The following AHRR variants were observed in gnomAD, a reference collection of about 807,000 sequenced individuals.
AHRR encodes the protein ahR repressor.
In AHRR, 28 loss-of-function variants were observed where a neutral mutation model predicts 44.0. The observed-to-expected ratio is 0.64, with a 90% CI of 0.47 to 0.87. AHRR has a LOEUF of 0.87. Ranked by LOEUF, AHRR falls within the 40% of genes least tolerant of loss-of-function variation. The probability of loss-of-function intolerance (pLI) is 0.00; values close to 1 mark genes in which losing one functional copy is unlikely to be tolerated. For synonymous variants in AHRR, 434 were observed against 407.0 expected, an observed-to-expected ratio of 1.07 and a Z score of -0.80; for missense variants, 990 against 953.9, an observed-to-expected ratio of 1.04 and a Z score of -0.50.
chr5:376,555 A>ACCGTGGGGTGTACGCGGG, intron 3 of AHRR, 55 bp from the exon 4 acceptor site: 2 of 1,428,922 alleles, frequency 1.4e-6, no homozygotes, highest in Non-Finnish European at 9.4e-7. Flanking sequence ...TGAATGAAGA[A>ACCGTGGGGTGTACGCGGG]GAGTGGCCAG....
chr5:422,026 C>T (rs892874383), intron 5 of AHRR, among the ~76,000 whole-genome samples: 1 of 152,118 alleles, frequency 6.6e-6, no homozygotes, highest in Admixed American at 6.5e-5. Flanking sequence ...GGGCCAGGCT[C>T]CAGGTGCAGA....
At chr5:428,303 C>G (rs12188321) in intron 8 of AHRR, among the ~76,000 whole-genome samples, 56,296 of 152,214 alleles carry the variant, frequency 0.37, 12,038 homozygotes, top group Non-Finnish European at 0.48. Flanking sequence ...CAAGAAAATG[C>G]GGAGCTGGCT....
At chr5:429,783 G>A (rs1736641508) in intron 8 of AHRR, among the ~76,000 whole-genome samples, 1 of 152,254 alleles carries the variant, frequency 6.6e-6, no homozygotes, top group South Asian at 2.1e-4. Flanking sequence ...TAGCGCCCAG[G>A]AGTGATTGGC....
intron 4 of AHRR, chr5:403,993 G>A (rs1735146625): frequency 9.2e-7 from 1 of 1,090,544 alleles, no homozygotes; most frequent in South Asian, 1.3e-5. Context: ...TTTCTTTACA[G>A]TAATTCGAAC....
intron 2 of AHRR, among the ~76,000 whole-genome samples, chr5:352,249 G>T (rs1742882375): frequency 6.6e-6 from 1 of 152,232 alleles, no homozygotes; most frequent in South Asian, 2.1e-4. Context: ...GTAGGGGATG[G>T]TCACTCTGAG....
At chr5:409,744 T>C (rs1735399491) in intron 4 of AHRR, among the ~76,000 whole-genome samples, 1 of 152,220 alleles carries the variant, frequency 6.6e-6, no homozygotes. Context: ...TTTTTCTCTG[T>C]GGCTTATCTC....
At chr5:400,741 T>A (rs1333397417) in intron 4 of AHRR, among the ~76,000 whole-genome samples, 1 of 151,886 alleles carries the variant, frequency 6.6e-6, no homozygotes, top group Non-Finnish European at 1.5e-5. Context: ...TTATGGTCTT[T>A]AAAAAAAAAT....
At chr5:329,556 G>C (rs2126324204) in intron 1 of AHRR, among the ~76,000 whole-genome samples, 1 of 152,108 alleles carries the variant, frequency 6.6e-6, no homozygotes, top group Non-Finnish European at 1.5e-5. Flanking sequence ...ATTTTGATAG[G>C]GATTATACTG....
chr5:325,991 C>T (rs1451180247), intron 1 of AHRR, among the ~76,000 whole-genome samples: 1 of 152,114 alleles, frequency 6.6e-6, no homozygotes, highest in Non-Finnish European at 1.5e-5. Flanking sequence ...CCATGTTGGC[C>T]AGGCTGGTCT....
chr5:400,439 A>C (rs1039316471), intron 4 of AHRR, among the ~76,000 whole-genome samples: 2 of 152,110 alleles, frequency 1.3e-5, no homozygotes, highest in Non-Finnish European at 2.9e-5. Context: ...CCGTTTCCTG[A>C]CGTTCAGTAA....
intron 4 of AHRR, among the ~76,000 whole-genome samples, chr5:394,172 C>G (rs1247092692): frequency 6.6e-6 from 1 of 152,200 alleles, no homozygotes; most frequent in African/African-American, 2.4e-5. Context: ...GGAGGGAGGC[C>G]CTACAAGGAG....
At chr5:354,669 C>T (rs184043428) in intron 3 of AHRR, among the ~76,000 whole-genome samples, 217 of 152,316 alleles carry the variant, frequency 1.4e-3, no homozygotes, top group African/African-American at 5.1e-3. Context: ...TGTTGGGTGA[C>T]GTGCCTGCAC....
At chr5:368,720 G>A (rs751141050) in intron 3 of AHRR, among the ~76,000 whole-genome samples, 34 of 152,324 alleles carry the variant, frequency 2.2e-4, no homozygotes, top group Middle Eastern at 3.4e-3. Context: ...GAGCCCCCCT[G>A]AGGCCCCCGG....
Position 432,933 on chromosome 5 carries a change from C to CA in AHRR, c.1100dup (p.Ser370LeufsTer40). ...GTGGCCCTGACCTTGTCCTTGACCC[C>CA]AAGGGGGGCTCAGGGTAAGTGGTGC... On this transcript the variant is annotated frameshift_variant, in exon 10 of 11. Transcript: ENST00000684583. 1 of 1,607,780 alleles carries CA rather than the reference C, an allele frequency of 6.2e-7. No homozygotes were observed. The highest frequency in any genetic ancestry group is 1.1e-5 in the South Asian group (1 of 90,446).
chr5:351,815 A>G (rs1742868226), intron 2 of AHRR, among the ~76,000 whole-genome samples: 5 of 152,234 alleles, frequency 3.3e-5, no homozygotes, highest in Admixed American at 6.5e-5. Context: ...CTAGGTTGTT[A>G]GACAGTGAGA....
chr5:365,723 A>G (rs1743333994), intron 3 of AHRR, among the ~76,000 whole-genome samples: 1 of 152,212 alleles, frequency 6.6e-6, no homozygotes, highest in Admixed American at 6.5e-5. Context: ...AGGAGCTATT[A>G]TGAACAAATT....
intron 1 of AHRR, among the ~76,000 whole-genome samples, chr5:329,153 A>C (rs1245345307): frequency 6.6e-6 from 1 of 152,086 alleles, no homozygotes; most frequent in Non-Finnish European, 1.5e-5. Context: ...TTTGGTCCTT[A>C]TGAATTTTAG....
intron 4 of AHRR, among the ~76,000 whole-genome samples, chr5:381,840 G>A (rs949051761): frequency 6.6e-6 from 1 of 151,650 alleles, no homozygotes; most frequent in African/African-American, 2.4e-5. Context: ...TTTTGTAAAT[G>A]CCTCATATCA....
At position 434,071 on chromosome 5, in the gene AHRR, T is replaced by A; in HGVS notation, c.1331T>A (p.Phe444Tyr). The A allele has an allele frequency of 6.2e-7, 1 of 1,612,800 alleles. No homozygotes were observed. The highest frequency in any genetic ancestry group is 8.5e-7 in the Non-Finnish European group (1 of 1,179,908). The change falls in exon 11 of 11, where the codon TTC becomes TAC. Residue 444 changes from phenylalanine (F) to tyrosine (Y), a missense_variant. Coordinates refer to ENST00000684583, the MANE Select transcript of AHRR (RefSeq NM_001377236.1). ...CCCTGCCCGTGTGTCCAGGGCACTT[T>A]CAGGAACTCGCCCATCTCTCACCCG... ...CLPCPCVQGT[F>Y]RNSPISHPPS...
Sources: gnomAD v4.1 joint callset for allele counts (sites outside exome capture counted in the v4.1 genomes callset) on GRCh38, gnomAD v4.1.1 for gene constraint, MANE v1.5 for transcripts, NCBI Gene and HGNC (gene_info 2026-07-23, HGNC 2026-07-21) for gene names.